SEMA5A: variants seen among roughly 807,000 people sequenced by gnomAD.
The protein encoded by SEMA5A is semaphorin 5A.
Under a neutral mutation model 135.5 loss-of-function variants are expected in SEMA5A, and 55 were observed. That is an observed-to-expected ratio of 0.41 (90% CI 0.33 to 0.51). SEMA5A has a LOEUF of 0.51. Among genes scored for constraint, SEMA5A ranks in the 20% least tolerant of loss-of-function variants. SEMA5A has a pLI of 0.37. For missense variants in SEMA5A, 1,290 were observed against 1,419.9 expected, an observed-to-expected ratio of 0.91 and a Z score of 1.47; for synonymous variants, 580 against 546.5, an observed-to-expected ratio of 1.06 and a Z score of -0.85.
intron 2 of SEMA5A, among the ~76,000 whole-genome samples, chr5:9,427,976 T>C (rs1425716782): frequency 1.3e-5 from 2 of 152,050 alleles, no homozygotes; most frequent in Non-Finnish European, 2.9e-5. Context: ...TATTTATCTA[T>C]CTCTATATAA....
Position 9,154,619 on chromosome 5 carries a change from G to T in SEMA5A, c.1350C>A (p.Leu450=), listed in dbSNP as rs1742853690. The part of the protein sequence containing the change: ...SSSCLLEEIE[L]FPERRREPIR... ...TGGGCTCCCTCCGCCTCTCAGGGAA[G>T]AGCTCAATCTCTTCCAGCAAACAGC... The change falls in exon 12 of 23, where the codon CTC becomes CTA. Residue 450 remains leucine, a synonymous_variant. Coordinates refer to ENST00000382496, the MANE Select transcript of SEMA5A (RefSeq NM_003966.3). The T allele has an allele frequency of 6.2e-7, 1 of 1,614,136 alleles. No individual in the cohort carries two copies. Among genetic ancestry groups the T allele is most frequent in the Admixed American group, 1.7e-5 (1 of 60,018 alleles).
At chr5:9,496,820 C>T (rs73036774) in intron 1 of SEMA5A, among the ~76,000 whole-genome samples, 3,316 of 152,242 alleles carry the variant, frequency 0.022, 133 homozygotes, top group African/African-American at 0.074. Context: ...TTTAGATATA[C>T]ATTTCCACAA....
Position 9,384,713 on chromosome 5 carries a change from T to TAGAC in SEMA5A, c.-77-4694_-77-4691dup, listed in dbSNP as rs72287146. Among the ~76,000 whole-genome samples, 939 of 100,828 alleles carry TAGAC rather than the reference T, an allele frequency of 9.3e-3. 52 individuals are homozygous for TAGAC. The highest frequency in any genetic ancestry group is 0.02 in the African/African-American group (472 of 23,248). The allele number at this position is 100,828 out of a possible 152,430, so 66.1% of individuals were successfully genotyped here. On this transcript the variant is annotated intron_variant, in intron 2 of 22. Transcript: ENST00000382496. ...ATAGATAGATAGATAGATAGATAGA[T>TAGAC]AGACAGACAGACAGACAGACAGACA...
At chr5:9,412,240 G>C (rs1055246858) in intron 2 of SEMA5A, among the ~76,000 whole-genome samples, 7 of 151,668 alleles carry the variant, frequency 4.6e-5, no homozygotes, top group African/African-American at 1.7e-4. Flanking sequence ...TCTTATCATG[G>C]GTTACAGAAT....
rs747444046 is a variant in SEMA5A at position 9,190,310 on chromosome 5, C to T, written c.1230G>A (p.Val410=). The part of the protein sequence containing the change: ...SRFSHVAVDV[V]QGREALVHII... The stretch of plus-strand genomic sequence containing the variant: ...TGTGGACGAGCGCTTCTCTGCCCTG[C>T]ACCACGTCGACTGCCACGTGGGAAA... The change falls in exon 11 of 23, where the codon GTG becomes GTA. Residue 410 remains valine (V), a synonymous_variant. Transcript: ENST00000382496. 6.2e-6 allele frequency: 10 copies of T among 1,614,012 alleles called. No individual in the cohort carries two copies. The highest frequency in any genetic ancestry group is 1.3e-5 in the African/African-American group (1 of 74,914).
intron 11 of SEMA5A, among the ~76,000 whole-genome samples, chr5:9,167,437 C>T (rs1383018501): frequency 2.6e-5 from 4 of 152,208 alleles, no homozygotes; most frequent in Admixed American, 6.5e-5. Flanking sequence ...CCTGAATCCA[C>T]TGGCTAGGAT....
chr5:9,181,499 T>A (rs998200102), intron 11 of SEMA5A, among the ~76,000 whole-genome samples: 1 of 152,024 alleles, frequency 6.6e-6, no homozygotes, highest in African/African-American at 2.4e-5. Flanking sequence ...GCAGCCCCCC[T>A]GGCACCCCAC....
intron 3 of SEMA5A, among the ~76,000 whole-genome samples, chr5:9,347,080 T>C (rs1753909135): frequency 6.6e-6 from 1 of 152,104 alleles, no homozygotes; most frequent in African/African-American, 2.4e-5. Flanking sequence ...AATAACCAAT[T>C]AGAGAAATTA....
chr5:9,478,930 C>T (rs540506799), intron 1 of SEMA5A, among the ~76,000 whole-genome samples: 5 of 152,224 alleles, frequency 3.3e-5, no homozygotes, highest in East Asian at 3.9e-4. Context: ...AATCTCATCT[C>T]GAATTGTAAT....
At chr5:9,168,531 G>A (rs1254852725) in intron 11 of SEMA5A, among the ~76,000 whole-genome samples, 1 of 152,174 alleles carries the variant, frequency 6.6e-6, no homozygotes, top group Non-Finnish European at 1.5e-5. Flanking sequence ...ATGTGGGTGA[G>A]GGGGAGGAGG....
intron 16 of SEMA5A, among the ~76,000 whole-genome samples, chr5:9,072,784 A>C (rs112901285): frequency 1.3e-5 from 2 of 152,326 alleles, no homozygotes; most frequent in African/African-American, 2.4e-5. Context: ...TATTTTTAGG[A>C]CAAAAAAATT....
At position 9,062,905 on chromosome 5, in the gene SEMA5A, T is replaced by G; in HGVS notation, c.2500A>C (p.Asn834His). ...CACTTACCTGGGCAGGGCAAAATGT[T>G]GCATTCCTGGTATTCCAGAGATGGG... ...LGPSLEYQEC[N>H]ILPCPVDGVW... Residue 834 changes from asparagine (N) to histidine (H), a missense_variant, in exon 18 of 23, where the codon AAC (asparagine) becomes CAC (histidine). Coordinates refer to ENST00000382496, the MANE Select transcript of SEMA5A (RefSeq NM_003966.3). 1.2e-6 allele frequency: 2 copies of G among 1,614,266 alleles called. No homozygotes were observed. Among genetic ancestry groups the G allele is most frequent in the East Asian group, 2.2e-5 (1 of 44,890 alleles).
At chr5:9,459,826 T>G (rs1049917576) in intron 1 of SEMA5A, among the ~76,000 whole-genome samples, 9 of 152,172 alleles carry the variant, frequency 5.9e-5, no homozygotes, top group Non-Finnish European at 1.2e-4. Context: ...TATGATTGTT[T>G]ATTCAATGGA....
intron 1 of SEMA5A, among the ~76,000 whole-genome samples, chr5:9,464,306 GA>G (rs1272128941): frequency 6.6e-6 from 1 of 152,142 alleles, no homozygotes; most frequent in South Asian, 2.1e-4. Context: ...ATAGTTACAG[GA>G]AAAAAACAGG....
rs773962663 is a variant in SEMA5A at position 9,224,669 on chromosome 5, C to T, written c.646+5G>A. 2.5e-6 allele frequency: 4 copies of T among 1,613,936 alleles called. No homozygotes were observed. Among genetic ancestry groups the T allele is most frequent in the Non-Finnish European group, 3.4e-6 (4 of 1,179,832 alleles). ...GTGAGAAAGAGGGAGTGACGGAAGG[C>T]TTACCATTGAGCCATTTGGAGTTGT... On this transcript the variant is annotated splice_donor_5th_base_variant and intron_variant, in intron 8 of 22. Transcript: ENST00000382496.
At chr5:9,476,617 C>T (rs1759676530) in intron 1 of SEMA5A, among the ~76,000 whole-genome samples, 2 of 152,176 alleles carry the variant, frequency 1.3e-5, no homozygotes, top group South Asian at 4.1e-4. Context: ...TCTGAATCTC[C>T]AGCCCAATTG....
Position 9,076,601 on chromosome 5 carries a change from T to C in SEMA5A, c.2074-9955A>G, listed in dbSNP as rs182903891. ...ATTATATACATGTAACAATATTTCA[T>C]GTGTACACTACAAATTTGTACAAAT... On this transcript the variant is annotated intron_variant, in intron 16 of 22. Coordinates refer to ENST00000382496, the MANE Select transcript of SEMA5A (RefSeq NM_003966.3). 3.3e-4 allele frequency among the ~76,000 whole-genome samples: 51 copies of C among 152,316 alleles called. No homozygotes were observed. In the East Asian group the frequency reaches 9.3e-3, roughly 28 times the overall value.
At chr5:9,139,520 C>T (rs1012319038) in intron 12 of SEMA5A, among the ~76,000 whole-genome samples, 6 of 152,210 alleles carry the variant, frequency 3.9e-5, no homozygotes, top group Admixed American at 2.0e-4. Flanking sequence ...TAAGGCTTAG[C>T]ATAGATGAAT....
intron 1 of SEMA5A, among the ~76,000 whole-genome samples, chr5:9,487,361 G>C (rs1228533148): frequency 6.6e-6 from 1 of 152,118 alleles, no homozygotes. Context: ...GAAACTGAAG[G>C]CCAGGGAGTT....
Sources: allele counts gnomAD v4.1 joint callset (sites outside exome capture counted in the v4.1 genomes callset), GRCh38; gene constraint gnomAD v4.1.1; transcripts MANE v1.5; gene names NCBI Gene and HGNC (gene_info 2026-07-23, HGNC 2026-07-21).